SGCZ: variants seen among roughly 807,000 people sequenced by gnomAD.
SGCZ encodes zeta-sarcoglycan.
Under a neutral mutation model 41.3 loss-of-function variants are expected in SGCZ, and 40 were observed. That is an observed-to-expected ratio of 0.97 (90% confidence interval 0.75 to 1.26). The LOEUF is 1.26. Ranked by LOEUF, SGCZ falls within the 50% of genes most tolerant of loss-of-function variation. The probability of loss-of-function intolerance (pLI) is 0.00; values close to 1 mark genes in which losing one functional copy is unlikely to be tolerated. For missense variants in SGCZ, 552 were observed against 369.8 expected (o/e 1.49, Z -4.04); for synonymous variants, 206 against 137.5 (o/e 1.50, Z -3.49).
rs76983076 is a variant in SGCZ at position 14,925,471 on chromosome 8, G to A, written c.39+312114C>T. ...AAAATGTCCAGGACTTGACCTAACA[G>A]AGTAATTTATAACAAGATGCTTCTT... On this transcript the variant is annotated intron_variant, in intron 1 of 7. Transcript: ENST00000382080. Among the ~76,000 whole-genome samples, 793 of 152,264 alleles carry A rather than the reference G, an allele frequency of 5.2e-3. 14 individuals are homozygous for A. Among genetic ancestry groups the A allele is most frequent in the African/African-American group, 0.018 (761 of 41,552 alleles).
intron 1 of SGCZ, among the ~76,000 whole-genome samples, chr8:14,997,784 A>C (rs2130905628): frequency 6.6e-6 from 1 of 152,248 alleles, no homozygotes; most frequent in African/African-American, 2.4e-5. Context: ...ACTTGGTGAA[A>C]CCTAGTCTCT....
At chr8:14,808,029 T>C (rs1002072344) in intron 1 of SGCZ, among the ~76,000 whole-genome samples, 5 of 152,022 alleles carry the variant, frequency 3.3e-5, no homozygotes, top group African/African-American at 9.7e-5. Flanking sequence ...GCTAGCCATA[T>C]GTAGAAAGCT....
chr8:14,614,570 G>C (rs2117349857), intron 1 of SGCZ, among the ~76,000 whole-genome samples: 1 of 152,178 alleles, frequency 6.6e-6, no homozygotes, highest in South Asian at 2.1e-4. Context: ...GTGAATAGTA[G>C]CTTGAACCAT....
chr8:14,256,200 G>A (rs1424765415), intron 3 of SGCZ, among the ~76,000 whole-genome samples: 2 of 151,930 alleles, frequency 1.3e-5, no homozygotes, highest in Non-Finnish European at 2.9e-5. Context: ...CCATAACCTT[G>A]GAGCCCAGGA....
At chr8:14,489,868 T>TTTTTTTTTG (rs1491105853) in intron 2 of SGCZ, among the ~76,000 whole-genome samples, 2 of 128,292 alleles carry the variant, frequency 1.6e-5, no homozygotes, top group Non-Finnish European at 3.2e-5. Context: ...TTCTCCTACC[T>TTTTTTTTTG]TTTTTTTTTT....
intron 1 of SGCZ, among the ~76,000 whole-genome samples, chr8:14,564,415 T>C (rs77051500): frequency 0.016 from 2,363 of 152,226 alleles, 25 homozygotes; most frequent in Non-Finnish European, 0.024. Flanking sequence ...ACTTACTGAG[T>C]TCAGATCCCA....
At chr8:14,723,542 G>T (rs1372293872) in intron 1 of SGCZ, among the ~76,000 whole-genome samples, 1 of 152,080 alleles carries the variant, frequency 6.6e-6, no homozygotes, top group African/African-American at 2.4e-5. Context: ...GGCCATAGGT[G>T]CCCATCCCTC....
intron 1 of SGCZ, among the ~76,000 whole-genome samples, chr8:15,064,466 A>T (rs7464441): frequency 0.87 from 131,646 of 151,240 alleles, 57,667 homozygotes; most frequent in East Asian, 1. Context: ...AACCTTCTGG[A>T]CTTAGAGCTT....
chr8:14,850,716 G>T (rs1803284692), intron 1 of SGCZ, among the ~76,000 whole-genome samples: 1 of 152,104 alleles, frequency 6.6e-6, no homozygotes, highest in South Asian at 2.1e-4. Flanking sequence ...ATGTGTCAAG[G>T]GAGAGACCAG....
chr8:15,176,530 T>G (rs1220367369), intron 1 of SGCZ, among the ~76,000 whole-genome samples: 4 of 152,232 alleles, frequency 2.6e-5, no homozygotes, highest in African/African-American at 9.6e-5. Context: ...ATCAGCTTTA[T>G]GCTTAAAGAG....
chr8:14,152,213 G>A (rs1803731303), intron 5 of SGCZ, among the ~76,000 whole-genome samples: 1 of 151,662 alleles, frequency 6.6e-6, no homozygotes, highest in Non-Finnish European at 1.5e-5. Context: ...CTAGAATATG[G>A]AAAGAACCTC....
intron 1 of SGCZ, among the ~76,000 whole-genome samples, chr8:15,113,328 T>C (rs1807142640): frequency 6.6e-6 from 1 of 152,194 alleles, no homozygotes; most frequent in Admixed American, 6.5e-5. Flanking sequence ...CTCAAAATCC[T>C]TATTGAAGTT....
chr8:14,488,245 G>C (rs1366594064), intron 2 of SGCZ, among the ~76,000 whole-genome samples: 2 of 152,204 alleles, frequency 1.3e-5, no homozygotes, highest in Non-Finnish European at 2.9e-5. Context: ...CACATTTGTT[G>C]TCCTTTTATT....
At chr8:14,216,319 A>G (rs1012171132) in intron 4 of SGCZ, among the ~76,000 whole-genome samples, 2 of 152,058 alleles carry the variant, frequency 1.3e-5, no homozygotes, top group Admixed American at 1.3e-4. Flanking sequence ...ACTTTCTCCT[A>G]CCACCCTGAC....
intron 2 of SGCZ, among the ~76,000 whole-genome samples, chr8:14,378,703 G>T (rs1041056945): frequency 6.6e-5 from 10 of 152,164 alleles, no homozygotes; most frequent in African/African-American, 2.2e-4. Context: ...AGTAGGGACA[G>T]TCTTGGGGAC....
chr8:14,555,360 C>T (rs766181087), intron 1 of SGCZ, among the ~76,000 whole-genome samples: 5 of 151,972 alleles, frequency 3.3e-5, no homozygotes, highest in Non-Finnish European at 7.4e-5. Context: ...GAGATCATGG[C>T]AGTGAATTTC....
At chr8:15,136,544 G>A (rs541226301) in intron 1 of SGCZ, among the ~76,000 whole-genome samples, 2 of 152,070 alleles carry the variant, frequency 1.3e-5, no homozygotes, top group Non-Finnish European at 2.9e-5. Context: ...ATAATCCTCA[G>A]GTGTCATGGG....
chr8:14,917,504 G>A (rs1799470537), intron 1 of SGCZ, among the ~76,000 whole-genome samples: 1 of 151,978 alleles, frequency 6.6e-6, no homozygotes, highest in South Asian at 2.1e-4. Flanking sequence ...ATATAACACT[G>A]CAATTGGATT....
chr8:15,125,499 A>C (rs1209694266), intron 1 of SGCZ, among the ~76,000 whole-genome samples: 1 of 152,148 alleles, frequency 6.6e-6, no homozygotes, highest in Non-Finnish European at 1.5e-5. Context: ...AAAGAGAAAT[A>C]TTCTCTTCTT....
Sources: gnomAD v4.1 joint callset for allele counts (sites outside exome capture counted in the v4.1 genomes callset) on GRCh38, gnomAD v4.1.1 for gene constraint, MANE v1.5 for transcripts, NCBI Gene and HGNC (gene_info 2026-07-23, HGNC 2026-07-21) for gene names.